The following BRD1 variants were observed in gnomAD, a reference collection of about 807,000 sequenced individuals.
BRD1 encodes bromodomain containing 1, also known as bromodomain-containing protein 1.
In BRD1, 24 loss-of-function variants were observed where a neutral mutation model predicts 107.7. The ratio of observed to expected loss-of-function variants is 0.22; its 90% CI spans 0.16 to 0.31. The LOEUF (loss-of-function observed/expected upper bound fraction) is 0.31, where lower values mean the gene tolerates loss of function less well. Ranked by LOEUF, BRD1 falls within the 10% of genes least tolerant of loss-of-function variation. The pLI is 1.00. For missense variants in BRD1, 1,279 were observed against 1,638.6 expected (o/e 0.78, Z 3.79); for synonymous variants, 744 against 686.1 (o/e 1.08, Z -1.32).
At chr22:49,819,291 T>C (rs2060017105) in intron 2 of BRD1, among the ~76,000 whole-genome samples, 1 of 147,748 alleles carries the variant, frequency 6.8e-6, no homozygotes, top group Admixed American at 6.8e-5. Context: ...AAAGAAAAAA[T>C]AACAATAAAT....
chr22:49,802,118 T>C (rs2059653673), intron 3 of BRD1, among the ~76,000 whole-genome samples: 1 of 151,742 alleles, frequency 6.6e-6, no homozygotes, highest in Non-Finnish European at 1.5e-5. Flanking sequence ...TCTCTTCCAT[T>C]CCCCAACATC....
Position 49,794,050 on chromosome 22 carries a change from C to A in BRD1, c.2343G>T (p.Pro781=), listed in dbSNP as rs1390458107. The A allele has an allele frequency of 6.2e-7, 1 of 1,612,980 alleles. No individual in the cohort carries two copies. Among genetic ancestry groups the A allele is most frequent in the Admixed American group, 1.7e-5 (1 of 59,978 alleles). ...GFEEDGAALG[P]EAGEEGDKSP... is the part of the protein sequence containing the mutation. ...GTGGCTTACCTTCCTCGCCCGCCTC[C>A]GGCCCCAGCGCAGCTCCGTCCTCTT... is the stretch of plus-strand genomic sequence containing the variant. The change falls in exon 7 of 13, where the codon CCG becomes CCT. Residue 781 remains proline, a synonymous_variant. Coordinates refer to ENST00000404760, the MANE Select transcript of BRD1 (RefSeq NM_001304808.3).
intron 8 of BRD1, among the ~76,000 whole-genome samples, chr22:49,784,597 T>C (rs2147005960): frequency 6.6e-6 from 1 of 152,358 alleles, no homozygotes; most frequent in African/African-American, 2.4e-5. Context: ...TAACTCAGAA[T>C]TGTGCGTGTG....
intron 12 of BRD1, among the ~76,000 whole-genome samples, chr22:49,774,701 C>T (rs2059047487): frequency 6.6e-6 from 1 of 152,272 alleles, no homozygotes; most frequent in South Asian, 2.1e-4. Flanking sequence ...ACAAGACATG[C>T]ACACACCAAG....
In BRD1 at chr22:49,791,779, G is replaced by A. The variant is rs372591378; in HGVS notation, c.2359+2255C>T. 2.3e-4 allele frequency among the ~76,000 whole-genome samples: 34 copies of A among 149,852 alleles called. No individual in the cohort carries two copies. The East Asian group carries it at 4.1e-3, about 18-fold the overall frequency. ...TTCTCTGAGGGGCAGGACCCCACCC[G>A]CCTCACCTCGGAGTGGACTTTCAGG... is the stretch of plus-strand genomic sequence containing the variant. On this transcript the variant is annotated intron_variant, in intron 7 of 12. Transcript: ENST00000404760.
At chr22:49,781,118 C>A (rs1393308853) in intron 8 of BRD1, among the ~76,000 whole-genome samples, 1 of 152,174 alleles carries the variant, frequency 6.6e-6, no homozygotes, top group Non-Finnish European at 1.5e-5. Flanking sequence ...CACGGAATTC[C>A]CACAGCGGCC....
Position 49,809,465 on chromosome 22 carries a change from C to T in BRD1, c.1368-5105G>A, listed in dbSNP as rs554640599. On this transcript the variant is annotated intron_variant, in intron 2 of 12. Coordinates refer to ENST00000404760, the MANE Select transcript of BRD1 (RefSeq NM_001304808.3). Reference sequence around the variant, plus strand: ...TTGAGGCAGGAGAATCGCTTGAACACGGGAGGCGGAGGTTGTAGTGAGCCG... The same window carrying T: ...TTGAGGCAGGAGAATCGCTTGAACATGGGAGGCGGAGGTTGTAGTGAGCCG... Among the ~76,000 whole-genome samples, 7 of 151,862 alleles carry T rather than the reference C, an allele frequency of 4.6e-5. No individual in the cohort carries two copies. In the South Asian group the frequency reaches 8.3e-4, roughly 18 times the overall value.
At chr22:49,779,662 CCCCATA>C (rs2059166369) in intron 8 of BRD1, among the ~76,000 whole-genome samples, 1 of 152,130 alleles carries the variant, frequency 6.6e-6, no homozygotes. Flanking sequence ...TCCACATGCT[CCCCATA>C]CTCATCACAG....
At position 49,794,076 on chromosome 22, in the gene BRD1, C is replaced by T; in HGVS notation, c.2317G>A (p.Glu773Lys). Residue 773 changes from glutamate (E) to lysine (K), a missense_variant, in exon 7 of 13, where the codon GAA becomes AAA. Physicochemically the swap from Glu to Lys is moderately conservative, Grantham distance 56. Coordinates refer to ENST00000404760, the MANE Select transcript of BRD1 (RefSeq NM_001304808.3). ...LPTGPGLEGF[E>K]EDGAALGPEA... The stretch of plus-strand genomic sequence containing the variant: ...GGCCCCAGCGCAGCTCCGTCCTCTT[C>T]GAAGCCTTCCAAGCCTGGCCCCGTG... 2.5e-6 allele frequency: 4 copies of T among 1,614,154 alleles called. No individual in the cohort carries two copies. In the South Asian group the frequency reaches 3.3e-5, roughly 13 times the overall value.
chr22:49,777,897 A>C lies in BRD1; in HGVS notation c.2858-84T>G, dbSNP rs975090512. 19 of 1,475,030 alleles carry C rather than the reference A, an allele frequency of 1.3e-5. No individual in the cohort carries two copies. In the South Asian group the frequency reaches 2.6e-4, roughly 20 times the overall value. 91.4% of individuals were successfully genotyped at this position (1,475,030 alleles called of 1,614,324 possible). On this transcript the variant is annotated intron_variant, in intron 8 of 12. Coordinates refer to ENST00000404760, the MANE Select transcript of BRD1 (RefSeq NM_001304808.3). ...CTCAACGACGTTACACTTGGAACACATCTTACAAAGCACGTTTCACAGACA... is the reference window on the plus strand; with the variant it reads ...CTCAACGACGTTACACTTGGAACACCTCTTACAAAGCACGTTTCACAGACA...
intron 2 of BRD1, chr22:49,818,156 G>T: frequency 1.0e-6 from 1 of 987,174 alleles, no homozygotes; most frequent in Non-Finnish European, 1.2e-6. Context: ...CACCCTATCA[G>T]GGTGAAGGCG....
At chr22:49,780,776 C>T (rs1461267173) in intron 8 of BRD1, among the ~76,000 whole-genome samples, 2 of 152,244 alleles carry the variant, frequency 1.3e-5, no homozygotes, top group African/African-American at 4.8e-5. Context: ...GGGAGATGTC[C>T]ACCATGACCC....
intron 8 of BRD1, among the ~76,000 whole-genome samples, chr22:49,786,373 G>A (rs967142871): frequency 8.7e-5 from 13 of 149,980 alleles, no homozygotes; most frequent in African/African-American, 2.3e-4. Context: ...GGGAGCAGAG[G>A]CTGCAGGAAC....
At chr22:49,808,088 C>T (rs556048023) in intron 2 of BRD1, among the ~76,000 whole-genome samples, 4 of 152,142 alleles carry the variant, frequency 2.6e-5, no homozygotes, top group Non-Finnish European at 4.4e-5. Context: ...CCGGCAAGAA[C>T]GTAAAAAGGT....
At chr22:49,780,358 G>C (rs1332921568) in intron 8 of BRD1, among the ~76,000 whole-genome samples, 2 of 152,222 alleles carry the variant, frequency 1.3e-5, no homozygotes, top group African/African-American at 4.8e-5. Context: ...CGCGTATGAC[G>C]CAAGAACACA....
At chr22:49,799,524 G>A (rs151182861) in intron 3 of BRD1, among the ~76,000 whole-genome samples, 2,435 of 152,364 alleles carry the variant, frequency 0.016, 43 homozygotes, top group South Asian at 0.072. Flanking sequence ...AATGGAGGGA[G>A]CGGCTGGAAA....
At chr22:49,817,691 C>T (rs1015379020) in intron 2 of BRD1, 1 of 223,664 alleles carries the variant, frequency 4.5e-6, no homozygotes, top group Admixed American at 4.1e-5. Context: ...TAAAAGATTT[C>T]TTGGAAGAAT....
chr22:49,790,037 C>T (rs1441099030), intron 7 of BRD1, among the ~76,000 whole-genome samples: 1 of 152,240 alleles, frequency 6.6e-6, no homozygotes, highest in East Asian at 1.9e-4. Context: ...GCAGGCCGGG[C>T]TCCAGCCGCC....
chr22:49,784,824 C>CG (rs2059291311), intron 8 of BRD1, among the ~76,000 whole-genome samples: 1 of 152,224 alleles, frequency 6.6e-6, no homozygotes, highest in African/African-American at 2.4e-5. Context: ...AGCCCTTCCC[C>CG]GGGCGCCTCG....
Sources: gnomAD v4.1 joint callset for allele counts (sites outside exome capture counted in the v4.1 genomes callset) on GRCh38, gnomAD v4.1.1 for gene constraint, MANE v1.5 for transcripts, NCBI Gene and HGNC (gene_info 2026-07-23, HGNC 2026-07-21) for gene names.